ABCA9: variants seen among roughly 807,000 people sequenced by gnomAD.
ABCA9 encodes ATP binding cassette subfamily A member 9, also known as ATP-binding cassette sub-family A member 9.
In ABCA9, 183 loss-of-function variants were observed where a neutral mutation model predicts 205.3. The observed-to-expected ratio is 0.89, with a 90% CI of 0.79 to 1.01. ABCA9 has a LOEUF of 1.01. Ranked by LOEUF, ABCA9 falls within the 50% of genes least tolerant of loss-of-function variation. The probability of loss-of-function intolerance (pLI) is 0.00; values close to 1 mark genes in which losing one functional copy is unlikely to be tolerated. For synonymous variants in ABCA9, 651 were observed against 683.3 expected, an observed-to-expected ratio of 0.95 and a Z score of 0.74; for missense variants, 1,805 against 1,912.4, an observed-to-expected ratio of 0.94 and a Z score of 1.05.
At chr17:69,063,294 T>C (rs1298434747), upstream of ABCA9, among the ~76,000 whole-genome samples, 1 of 152,232 alleles carries the variant, frequency 6.6e-6, no homozygotes, top group Admixed American at 6.5e-5. Flanking sequence ...ATAAATTTCA[T>C]GTGATGTGTT....
At chr17:69,067,201 TTTC>T in the ABCA9 span, among the ~76,000 whole-genome samples, 1 of 152,036 alleles carries the variant, frequency 6.6e-6, no homozygotes, top group Admixed American at 6.5e-5. Context: ...GAATGGAAAT[TTTC>T]TTAATATATA....
chr17:69,027,901 AATT>A, intron 12 of ABCA9, 86 bp from the exon 13 acceptor site: 4 of 1,045,972 alleles, frequency 3.8e-6, no homozygotes, highest in Non-Finnish European at 5.6e-6. Context: ...ACTGTATGTC[AATT>A]ATTAGATTCA....
At chr17:69,013,477 C>T (rs2070461052) in intron 22 of ABCA9, among the ~76,000 whole-genome samples, 1 of 152,060 alleles carries the variant, frequency 6.6e-6, no homozygotes, top group African/African-American at 2.4e-5. Flanking sequence ...AGACTACATC[C>T]CCCATCTCAT....
At chr17:69,052,209 T>G (rs562101523) in intron 1 of ABCA9, among the ~76,000 whole-genome samples, 3 of 152,112 alleles carry the variant, frequency 2.0e-5, no homozygotes, top group South Asian at 4.2e-4. Context: ...CATCTCTATT[T>G]TTAAAAAATC....
rs1444920116 is a variant in ABCA9, at chr17:68,975,916, T to C, written c.4874A>G (p.Ter1625=). 1 of 1,610,110 alleles carries C rather than the reference T, an allele frequency of 6.2e-7. No individual in the cohort carries two copies. The highest frequency in any genetic ancestry group is 2.2e-5 in the East Asian group (1 of 44,848). The part of the protein sequence containing the change: ...KWKLLLQEEP[*] ...GAAAGATATAGGGTATTTGGAGCTT[T>C]AAGGCTCTTCCTGCAGGAGGAGTTT... Residue 1625 remains the stop codon, a stop_retained_variant, in exon 39 of 39, where the codon TAA becomes TGA. Transcript: ENST00000340001.
chr17:68,980,227 A>G (rs1411156819), intron 37 of ABCA9, among the ~76,000 whole-genome samples: 1 of 151,962 alleles, frequency 6.6e-6, no homozygotes, highest in Admixed American at 6.5e-5. Context: ...AATCAAAACC[A>G]CAATGAGATA....
Position 69,011,740 on chromosome 17 carries a change from A to G in ABCA9, c.3147+236T>C, listed in dbSNP as rs2070382820. 7.5e-6 allele frequency: 3 copies of G among 400,092 alleles called. No homozygotes were observed. The Admixed American group carries it at 1.3e-4, about 17-fold the overall frequency. 24.8% of individuals were successfully genotyped at this position (400,092 alleles called of 1,614,324 possible). ...TCAAATTTTAAGTGATAAACATTTGAAAGTTGTCATTCCCTGTTAGCAGAT... is the reference window on the plus strand; with the variant it reads ...TCAAATTTTAAGTGATAAACATTTGGAAGTTGTCATTCCCTGTTAGCAGAT... On this transcript the variant is annotated intron_variant, in intron 23 of 38. Coordinates refer to ENST00000340001, the MANE Select transcript of ABCA9 (RefSeq NM_080283.4).
chr17:68,987,909 C>G (rs1482383039), intron 31 of ABCA9, among the ~76,000 whole-genome samples: 2 of 152,174 alleles, frequency 1.3e-5, no homozygotes, highest in Non-Finnish European at 2.9e-5. Context: ...GAATTACAGG[C>G]ATTCACCACC....
rs772904801 is a variant in ABCA9, at chr17:69,049,437, A to T, written c.150T>A (p.Asn50Lys). Residue 50 changes from asparagine to lysine, a missense_variant, in exon 3 of 39, where the codon AAT (asparagine) becomes AAA (lysine). Coordinates refer to ENST00000340001, the MANE Select transcript of ABCA9 (RefSeq NM_080283.4). The part of the protein sequence containing the change: ...LVLFLYLFFS[N>K]LHQVHDTPQM... ...GAGGAGTGTCATGAACTTGATGTAA[A>T]TTGGAGAAAAATAGGTACAGAAACA... 2 of 1,613,238 alleles carry T rather than the reference A, an allele frequency of 1.2e-6. No individual in the cohort carries two copies. Among genetic ancestry groups the T allele is most frequent in the South Asian group, 2.2e-5 (2 of 91,050 alleles).
chr17:69,072,884 C>A, the ABCA9 span, among the ~76,000 whole-genome samples: 1 of 151,910 alleles, frequency 6.6e-6, no homozygotes, highest in East Asian at 1.9e-4. Context: ...ATAGGCTGCT[C>A]AAAATGAAGG....
chr17:68,994,641 A>C (rs1394300035), intron 26 of ABCA9, among the ~76,000 whole-genome samples: 1 of 152,198 alleles, frequency 6.6e-6, no homozygotes, highest in African/African-American at 2.4e-5. Flanking sequence ...AAAAAGGTAG[A>C]ATCAGTCAGA....
chr17:69,021,694 TTCC>T (rs2070812874), intron 18 of ABCA9, 45 bp downstream of exon 18: 1 of 1,270,946 alleles, frequency 7.9e-7, no homozygotes, highest in East Asian at 2.4e-5. Flanking sequence ...CCTTCCTTCC[TTCC>T]TTTCTTTCTT....
the ABCA9 span, among the ~76,000 whole-genome samples, chr17:69,076,935 G>A: frequency 6.6e-6 from 1 of 151,276 alleles, no homozygotes; most frequent in African/African-American, 2.4e-5. Context: ...GTTGTCTATC[G>A]ATCTTGTTTA....
At chr17:69,001,235 A>G (rs544262972) in intron 25 of ABCA9, among the ~76,000 whole-genome samples, 1 of 152,240 alleles carries the variant, frequency 6.6e-6, no homozygotes, top group South Asian at 2.1e-4. Context: ...TTGCCCATTC[A>G]GTATGATATT....
At chr17:69,069,736 G>A in the ABCA9 span, among the ~76,000 whole-genome samples, 77 of 151,472 alleles carry the variant, frequency 5.1e-4, no homozygotes, top group African/African-American at 1.6e-3. Flanking sequence ...CTGATCTTCC[G>A]TTTTCAGAAT....
At chr17:69,061,655 C>T (rs2072253669), upstream of ABCA9, among the ~76,000 whole-genome samples, 1 of 152,212 alleles carries the variant, frequency 6.6e-6, no homozygotes, top group Admixed American at 6.5e-5. Context: ...AAACAAACTA[C>T]TTTCTCCACC....
In ABCA9 at chr17:69,016,364, A is replaced by T; in HGVS notation, c.2928T>A (p.Asn976Lys). 3.8e-6 allele frequency: 6 copies of T among 1,594,446 alleles called. No homozygotes were observed. Among genetic ancestry groups the T allele is most frequent in the Non-Finnish European group, 5.1e-6 (6 of 1,173,250 alleles). ...EKDHRFSIAC[N>K]TKRLNCFPVL... ...CAGGAAAGCAATTCAGCCGTTTTGTATTACATGCTATTGAAAATCTGTGAT... is the reference window on the plus strand; with the variant it reads ...CAGGAAAGCAATTCAGCCGTTTTGTTTTACATGCTATTGAAAATCTGTGAT... Residue 976 changes from asparagine (N) to lysine (K), a missense_variant, in exon 22 of 39, where the codon AAT (asparagine) becomes AAA (lysine). Asn to Lys is a moderately conservative substitution (Grantham distance 94). Coordinates refer to ENST00000340001, the MANE Select transcript of ABCA9 (RefSeq NM_080283.4).
At chr17:68,992,674 A>G (rs996430979) in intron 27 of ABCA9, 13 of 224,486 alleles carry the variant, frequency 5.8e-5, no homozygotes, top group Non-Finnish European at 5.3e-5. Context: ...TTAGCCACAC[A>G]TGGTGGTGCA....
chr17:69,012,084 C>G lies in ABCA9; in HGVS notation c.3040-1G>C. ...ACCCATACTCATAATCCATATGCTC[C>G]TGAAATCATGTGGAACATGGTGAGC... is the stretch of plus-strand genomic sequence containing the variant. On this transcript the variant is annotated splice_acceptor_variant, in intron 22 of 38. Coordinates refer to ENST00000340001, the MANE Select transcript of ABCA9 (RefSeq NM_080283.4). LOFTEE classifies it high-confidence loss of function. The G allele has an allele frequency of 6.2e-7, 1 of 1,601,888 alleles. No individual in the cohort carries two copies. The highest frequency in any genetic ancestry group is 8.5e-7 in the Non-Finnish European group (1 of 1,172,450).
Sources: gnomAD v4.1 joint callset for allele counts (sites outside exome capture counted in the v4.1 genomes callset) on GRCh38, gnomAD v4.1.1 for gene constraint, MANE v1.5 for transcripts, NCBI Gene and HGNC (gene_info 2026-07-23, HGNC 2026-07-21) for gene names.